GPBP1: variants seen among roughly 807,000 people sequenced by gnomAD.
GPBP1 encodes vasculin.
Under a neutral mutation model 56.5 loss-of-function variants are expected in GPBP1, and 13 were observed. The ratio of observed to expected loss-of-function variants is 0.23; its 90% CI spans 0.15 to 0.37. The LOEUF (loss-of-function observed/expected upper bound fraction) is 0.37. GPBP1 is among the 10% of genes least tolerant of loss of function. GPBP1 has a pLI of 1.00. For synonymous variants in GPBP1, 204 were observed against 188.9 expected (o/e 1.08, Z -0.66); for missense variants, 477 against 572.3 (o/e 0.83, Z 1.70).
chr5:57,227,282 G>T (rs938533175), intron 3 of GPBP1, among the ~76,000 whole-genome samples: 4 of 151,952 alleles, frequency 2.6e-5, no homozygotes, highest in African/African-American at 9.7e-5. Context: ...GGCCAGGCTC[G>T]TCTCAAACTC....
At position 57,246,410 on chromosome 5, in the gene GPBP1, CAGCCAGTTAAGA is replaced by C. The variant is rs1741095799; in HGVS notation, c.591_602del (p.Gln197_Asn201delinsHis). ...CCCAGTAGTAGGAAATCTTCCGTCA[CAGCCAGTTAAGA>C]ATGGAACTGGTCCAAGTGTTTATAA... On this transcript the variant is annotated inframe_deletion, in exon 7 of 12. Transcript: ENST00000506184. The C allele has an allele frequency of 1.2e-6, 2 of 1,613,840 alleles. No individual in the cohort carries two copies. Among genetic ancestry groups the C allele is most frequent in the Non-Finnish European group, 1.7e-6 (2 of 1,179,854 alleles).
intron 1 of GPBP1, among the ~76,000 whole-genome samples, chr5:57,174,852 A>G (rs1287138831): frequency 6.6e-6 from 1 of 152,174 alleles, no homozygotes; most frequent in East Asian, 1.9e-4. Context: ...GGAAACCTAC[A>G]CCTTCTAGCC....
Position 57,246,440 on chromosome 5 carries a change from G to A in GPBP1, c.619G>A (p.Val207Ile), listed in dbSNP as rs752643362. 4.3e-6 allele frequency: 7 copies of A among 1,613,224 alleles called. No homozygotes were observed. In the South Asian group the frequency reaches 7.7e-5, roughly 18 times the overall value. ...QPVKNGTGPS[V>I]YKGLVPKPAA... ...AGTTAAGAATGGAACTGGTCCAAGTGTTTATAAAGGTTTAGTCCCTAAACC... is the reference window on the plus strand; with the variant it reads ...AGTTAAGAATGGAACTGGTCCAAGTATTTATAAAGGTTTAGTCCCTAAACC... The change falls in exon 7 of 12, where the codon GTT (valine) becomes ATT (isoleucine). Residue 207 changes from valine to isoleucine, a missense_variant. Val to Ile is a conservative substitution (Grantham distance 29). Coordinates refer to ENST00000506184, the MANE Select transcript of GPBP1 (RefSeq NM_022913.4).
chr5:57,242,287 A>G (rs1234051583), intron 6 of GPBP1, among the ~76,000 whole-genome samples: 2 of 152,222 alleles, frequency 1.3e-5, no homozygotes, highest in African/African-American at 4.8e-5. Flanking sequence ...GTGACAGTGT[A>G]TGGCTTTTCT....
chr5:57,236,862 A>G (rs1334014467), intron 6 of GPBP1, among the ~76,000 whole-genome samples: 2 of 150,632 alleles, frequency 1.3e-5, no homozygotes, highest in Non-Finnish European at 3.0e-5. Flanking sequence ...TCACTAAAAC[A>G]AAAGGATTGT....
At chr5:57,226,526 A>G (rs994572809) in intron 3 of GPBP1, among the ~76,000 whole-genome samples, 13 of 148,732 alleles carry the variant, frequency 8.7e-5, no homozygotes, top group South Asian at 2.1e-4. Context: ...GAGAGAGGCA[A>G]TTCATCCTGG....
chr5:57,236,239 CAT>C (rs1364259599), intron 6 of GPBP1, among the ~76,000 whole-genome samples: 4 of 152,112 alleles, frequency 2.6e-5, no homozygotes, highest in African/African-American at 7.2e-5. Flanking sequence ...TTGATTTGCA[CAT>C]GTTAGTATCA....
chr5:57,184,777 C>T (rs190381830), intron 2 of GPBP1, among the ~76,000 whole-genome samples: 33 of 152,250 alleles, frequency 2.2e-4, no homozygotes, highest in Admixed American at 7.2e-4. Flanking sequence ...GTGTCCTCAC[C>T]CATCATCGTC....
rs1182986815 is a variant in GPBP1, at chr5:57,261,531, C to T, written c.1263+249C>T. Reference sequence around the variant, plus strand: ...CTGGGACTACAGGCAGGAACCACTGCACCTGGTTGAATTGACTTTATAGAA... The same window carrying T: ...CTGGGACTACAGGCAGGAACCACTGTACCTGGTTGAATTGACTTTATAGAA... On this transcript the variant is annotated intron_variant, in intron 11 of 11. Transcript: ENST00000506184. Among the ~76,000 whole-genome samples, 2 of 152,168 alleles carry T rather than the reference C, an allele frequency of 1.3e-5. 1 individual carries two copies. The highest frequency in any genetic ancestry group is 1.3e-4 in the Admixed American group (2 of 15,280).
rs1273778972 is a variant in GPBP1, at chr5:57,181,546, C to G, written c.-58+5146C>G. On this transcript the variant is annotated intron_variant, in intron 2 of 11. Transcript: ENST00000506184. ...CCTAATACTTTGGGAGCCTGAGGCA[C>G]GAGGCTCACTGGAGCCCAGGAGTTT... Among the ~76,000 whole-genome samples the G allele has an allele frequency of 2.0e-5, 3 of 149,084 alleles. No homozygotes were observed. The Admixed American group carries it at 2.0e-4, about 10-fold the overall frequency.
chr5:57,225,379 A>G (rs932616986), intron 3 of GPBP1, among the ~76,000 whole-genome samples: 1 of 151,608 alleles, frequency 6.6e-6, no homozygotes, highest in Non-Finnish European at 1.5e-5. Flanking sequence ...CTGTAGTCCC[A>G]GCTACTCGGG....
chr5:57,187,907 A>G (rs1754361136), intron 2 of GPBP1, among the ~76,000 whole-genome samples: 1 of 151,416 alleles, frequency 6.6e-6, no homozygotes, highest in Non-Finnish European at 1.5e-5. Flanking sequence ...ATATATGTAT[A>G]ATGTATTTGT....
chr5:57,203,978 GCATTTAC>G (rs1192886031), intron 2 of GPBP1, among the ~76,000 whole-genome samples: 1 of 152,004 alleles, frequency 6.6e-6, no homozygotes, highest in Non-Finnish European at 1.5e-5. Context: ...GAATAATAGG[GCATTTAC>G]CATCCTTATC....
intron 2 of GPBP1, among the ~76,000 whole-genome samples, chr5:57,179,470 C>G (rs964096724): frequency 6.6e-6 from 1 of 152,186 alleles, no homozygotes; most frequent in African/African-American, 2.4e-5. Context: ...GCCTTGGCCT[C>G]TCAAAGTGCT....
At chr5:57,187,681 C>T (rs1265013884) in intron 2 of GPBP1, among the ~76,000 whole-genome samples, 1 of 152,054 alleles carries the variant, frequency 6.6e-6, no homozygotes, top group Non-Finnish European at 1.5e-5. Flanking sequence ...AAAATAGTGC[C>T]TCACAGAGTT....
At chr5:57,227,083 C>T (rs530987230) in intron 3 of GPBP1, among the ~76,000 whole-genome samples, 2 of 150,546 alleles carry the variant, frequency 1.3e-5, no homozygotes, top group South Asian at 2.1e-4. Flanking sequence ...GGTGGAGTCT[C>T]GCTCTGTTGC....
chr5:57,256,611 T>A (rs1291398612), intron 10 of GPBP1, among the ~76,000 whole-genome samples: 1 of 152,150 alleles, frequency 6.6e-6, no homozygotes, highest in African/African-American at 2.4e-5. Context: ...AACATTTTGT[T>A]ATTTGCCAAG....
chr5:57,207,999 C>T (rs995521992), intron 2 of GPBP1, among the ~76,000 whole-genome samples: 4 of 151,866 alleles, frequency 2.6e-5, no homozygotes, highest in African/African-American at 7.2e-5. Context: ...TATAGGCACA[C>T]GATGGGGGTG....
intron 2 of GPBP1, among the ~76,000 whole-genome samples, chr5:57,192,038 G>GT (rs1324369484): frequency 6.6e-6 from 1 of 152,144 alleles, no homozygotes; most frequent in Non-Finnish European, 1.5e-5. Flanking sequence ...GTGTGATCTT[G>GT]TTTTCCTTCT....
Sources: gnomAD v4.1 joint callset for allele counts (sites outside exome capture counted in the v4.1 genomes callset) on GRCh38, gnomAD v4.1.1 for gene constraint, MANE v1.5 for transcripts, NCBI Gene and HGNC (gene_info 2026-07-23, HGNC 2026-07-21) for gene names.